Variants in PARD3B observed in about 807,000 individuals in gnomAD.
PARD3B encodes par-3 family cell polarity regulator beta, also known as partitioning defective 3 homolog B.
PARD3B carries 103 observed loss-of-function variants against 130.2 expected under a neutral mutation model. The ratio of observed to expected loss-of-function variants is 0.79; its 90% CI spans 0.67 to 0.93. The LOEUF (loss-of-function observed/expected upper bound fraction) is 0.93, where lower values mean the gene tolerates loss of function less well. Ranked by LOEUF, PARD3B falls within the 40% of genes least tolerant of loss-of-function variation. PARD3B has a pLI of 0.00. For missense variants in PARD3B, 1,609 were observed against 1,499.2 expected (o/e 1.07, Z -1.21); for synonymous variants, 583 against 553.2 (o/e 1.05, Z -0.76).
intron 2 of PARD3B, among the ~76,000 whole-genome samples, chr2:204,851,676 G>A (rs2044711665): frequency 6.6e-6 from 1 of 151,900 alleles, no homozygotes; most frequent in African/African-American, 2.4e-5. Flanking sequence ...TAAAATATAC[G>A]TTATCAACTG....
At chr2:204,928,985 G>A (rs1687832806) in intron 2 of PARD3B, among the ~76,000 whole-genome samples, 1 of 152,064 alleles carries the variant, frequency 6.6e-6, no homozygotes, top group South Asian at 2.1e-4. Context: ...GCCCTTTTTA[G>A]AGTGGAAATA....
chr2:205,071,547 G>C (rs913606599), intron 4 of PARD3B, among the ~76,000 whole-genome samples: 1 of 152,132 alleles, frequency 6.6e-6, no homozygotes, highest in Non-Finnish European at 1.5e-5. Context: ...CTTTCACCTT[G>C]AGAGTCTTGA....
intron 3 of PARD3B, among the ~76,000 whole-genome samples, chr2:205,026,097 A>G (rs1480661402): frequency 6.6e-6 from 1 of 152,230 alleles, no homozygotes; most frequent in East Asian, 1.9e-4. Flanking sequence ...CATGTAAACA[A>G]ATGCACAAGA....
At chr2:205,323,757 C>T (rs1574700250) in intron 18 of PARD3B, among the ~76,000 whole-genome samples, 1 of 152,152 alleles carries the variant, frequency 6.6e-6, no homozygotes, top group African/African-American at 2.4e-5. Flanking sequence ...ATCTCAACAC[C>T]TTTCATGTCT....
At chr2:204,570,612 A>AAAGC (rs1290901728) in intron 1 of PARD3B, among the ~76,000 whole-genome samples, 2 of 152,226 alleles carry the variant, frequency 1.3e-5, no homozygotes, top group Non-Finnish European at 2.9e-5. Flanking sequence ...TGACTTGTTA[A>AAAGC]AAGCAACCTT....
chr2:205,519,300 TCTGA>T (rs1335349177), intron 21 of PARD3B, among the ~76,000 whole-genome samples: 4 of 152,256 alleles, frequency 2.6e-5, no homozygotes, highest in South Asian at 2.1e-4. Flanking sequence ...TCTACTTTTG[TCTGA>T]CTGTCTTATT....
chr2:205,441,341 A>T (rs2047708944), intron 20 of PARD3B, among the ~76,000 whole-genome samples: 1 of 152,220 alleles, frequency 6.6e-6, no homozygotes, highest in Non-Finnish European at 1.5e-5. Flanking sequence ...AGAAAACAAG[A>T]TGATTCCAAC....
In PARD3B at chr2:204,987,934, G is replaced by A. The variant is rs187562868; in HGVS notation, c.394+22611G>A. Among the ~76,000 whole-genome samples, 44 of 152,128 alleles carry A rather than the reference G, an allele frequency of 2.9e-4. No individual in the cohort carries two copies. In the East Asian group the frequency reaches 8.5e-3, roughly 29 times the overall value. On this transcript the variant is annotated intron_variant, in intron 3 of 22. Coordinates refer to ENST00000406610, the MANE Select transcript of PARD3B (RefSeq NM_001302769.2). ...TCCAAAGGGTGACAGTTAGAAGGCT[G>A]GAAGGGAAAGGGATTGTTGATGTGG...
At chr2:204,955,216 A>G (rs1690133550) in intron 2 of PARD3B, among the ~76,000 whole-genome samples, 1 of 152,234 alleles carries the variant, frequency 6.6e-6, no homozygotes, top group Non-Finnish European at 1.5e-5. Flanking sequence ...TTGTTTCAAA[A>G]CTAGGTCTGT....
In PARD3B at chr2:205,498,194, T is replaced by G. The variant is rs1351134884; in HGVS notation, c.3045-1702T>G. On this transcript the variant is annotated intron_variant, in intron 20 of 22. Transcript: ENST00000406610. The stretch of plus-strand genomic sequence containing the variant: ...TACCCTGGGTGACAGAGTAAGACTC[T>G]GACTAAAAAAAAAAAAAAAAAAACA... Among the ~76,000 whole-genome samples, 5 of 67,324 alleles carry G rather than the reference T, an allele frequency of 7.4e-5. No homozygotes were observed. The South Asian group carries it at 3.3e-3, about 44-fold the overall frequency. 44.2% of individuals were successfully genotyped at this position (67,324 alleles called of 152,430 possible).
intron 3 of PARD3B, among the ~76,000 whole-genome samples, chr2:205,028,907 T>G (rs1697227526): frequency 6.6e-6 from 1 of 152,164 alleles, no homozygotes; most frequent in Non-Finnish European, 1.5e-5. Context: ...GAAAAGGAAG[T>G]TTAGAAAACA....
intron 15 of PARD3B, among the ~76,000 whole-genome samples, chr2:205,209,135 A>G (rs946936217): frequency 3.4e-4 from 47 of 139,268 alleles, no homozygotes; most frequent in Non-Finnish European, 6.6e-4. Flanking sequence ...TTCCCTATTT[A>G]ATAAATGGTG....
At chr2:205,153,535 G>GA (rs1162804248) in intron 10 of PARD3B, among the ~76,000 whole-genome samples, 1 of 152,060 alleles carries the variant, frequency 6.6e-6, no homozygotes, top group Non-Finnish European at 1.5e-5. Context: ...CACAGAATTG[G>GA]AAAAAACTAC....
Position 205,568,723 on chromosome 2 carries a change from G to A in PARD3B, c.3260+15320G>A, listed in dbSNP as rs1200590976. Among the ~76,000 whole-genome samples the A allele has an allele frequency of 1.3e-5, 2 of 152,150 alleles. No individual in the cohort carries two copies. The highest frequency in any genetic ancestry group is 1.3e-4 in the Admixed American group (2 of 15,272). On this transcript the variant is annotated intron_variant, in intron 22 of 22. Transcript: ENST00000406610. This position sits in a 1 kb window ranked among gnomAD's most constrained non-coding sequence, Gnocchi z 5.3. ...AACAATAAAAACTTGGCCAAACTCAGGGATTCGTCAGATGGCCCTGGTCGT... is the reference window on the plus strand; with the variant it reads ...AACAATAAAAACTTGGCCAAACTCAAGGATTCGTCAGATGGCCCTGGTCGT...
intron 4 of PARD3B, among the ~76,000 whole-genome samples, chr2:205,050,557 T>G (rs1286369505): frequency 2.0e-5 from 3 of 152,128 alleles, no homozygotes; most frequent in Admixed American, 2.0e-4. Context: ...ACTTAAAATT[T>G]AATATACACA....
intron 2 of PARD3B, among the ~76,000 whole-genome samples, chr2:204,931,255 C>T (rs1489044711): frequency 1.3e-5 from 2 of 152,092 alleles, no homozygotes; most frequent in Non-Finnish European, 2.9e-5. Flanking sequence ...AGTCAAATTT[C>T]TTCACCATTT....
At chr2:204,807,815 C>A (rs2042828059) in intron 2 of PARD3B, among the ~76,000 whole-genome samples, 1 of 150,954 alleles carries the variant, frequency 6.6e-6, no homozygotes, top group African/African-American at 2.4e-5. Context: ...ATTGAGAGTA[C>A]AATGATGGCT....
At chr2:205,566,720 G>A (rs886100499) in intron 22 of PARD3B, among the ~76,000 whole-genome samples, 9 of 152,146 alleles carry the variant, frequency 5.9e-5, no homozygotes, top group Non-Finnish European at 1.2e-4. Context: ...CATGAAAACT[G>A]AGCAAAAGAC....
At chr2:204,742,739 TCA>T (rs975132959) in intron 2 of PARD3B, among the ~76,000 whole-genome samples, 2 of 152,220 alleles carry the variant, frequency 1.3e-5, no homozygotes, top group African/African-American at 4.8e-5. Context: ...ATCTGCATTG[TCA>T]CAGACTTAAT....
Sources: allele counts gnomAD v4.1 joint callset (sites outside exome capture counted in the v4.1 genomes callset), GRCh38; gene constraint gnomAD v4.1.1; non-coding constraint Gnocchi (gnomAD v3.1); transcripts MANE v1.5; gene names NCBI Gene and HGNC (gene_info 2026-07-23, HGNC 2026-07-21).